The following SHTN1 variants were observed in gnomAD, a reference collection of about 807,000 sequenced individuals.
SHTN1 encodes shootin 1, also known as shootin-1.
A neutral mutation model predicts 83.1 loss-of-function variants in SHTN1; 42 were observed. That is an observed-to-expected ratio of 0.51 (90% CI 0.39 to 0.65). The LOEUF is 0.65. Ranked by LOEUF, SHTN1 falls within the 30% of genes least tolerant of loss-of-function variation. The probability of loss-of-function intolerance (pLI) is 0.00; values close to 1 mark genes in which losing one functional copy is unlikely to be tolerated. For missense variants in SHTN1, 622 were observed against 737.8 expected, an observed-to-expected ratio of 0.84 and a Z score of 1.82; for synonymous variants, 224 against 247.7, an observed-to-expected ratio of 0.90 and a Z score of 0.90.
At chr10:117,020,704 T>C (rs1049979833) in intron 2 of SHTN1, among the ~76,000 whole-genome samples, 4 of 151,452 alleles carry the variant, frequency 2.6e-5, no homozygotes, top group African/African-American at 7.3e-5. Context: ...GAAAAAGATA[T>C]GAAGTTTCTA....
chr10:116,985,571 G>A (rs543696750), intron 1 of SHTN1, among the ~76,000 whole-genome samples: 28 of 152,220 alleles, frequency 1.8e-4, no homozygotes, highest in Non-Finnish European at 1.2e-4. Flanking sequence ...AGGTCTTCAC[G>A]TGAGCAAATC....
intron 2 of SHTN1, among the ~76,000 whole-genome samples, chr10:116,969,577 C>T (rs1033430778): frequency 1.6e-4 from 24 of 152,236 alleles, no homozygotes; most frequent in African/African-American, 5.8e-4. Context: ...TAAAATATTC[C>T]ATACTAAGCA....
chr10:117,116,052 A>T (rs184629900), intron 1 of SHTN1, among the ~76,000 whole-genome samples: 46 of 152,318 alleles, frequency 3.0e-4, no homozygotes, highest in African/African-American at 1.0e-3. Flanking sequence ...TAGTAGAAGG[A>T]AAGAAATGAT....
intron 1 of SHTN1, among the ~76,000 whole-genome samples, chr10:117,095,988 T>C (rs1490812464): frequency 1.3e-5 from 2 of 152,222 alleles, no homozygotes; most frequent in African/African-American, 2.4e-5. Flanking sequence ...AACCCAAATA[T>C]AAAAGCAGGT....
At chr10:116,893,268 C>G (rs1484748398) in intron 16 of SHTN1, among the ~76,000 whole-genome samples, 2 of 152,064 alleles carry the variant, frequency 1.3e-5, no homozygotes, top group African/African-American at 4.8e-5. Flanking sequence ...ATCTCAACTT[C>G]CAGAACATCC....
At chr10:117,094,970 T>C (rs992728849) in intron 1 of SHTN1, among the ~76,000 whole-genome samples, 1 of 152,216 alleles carries the variant, frequency 6.6e-6, no homozygotes, top group Non-Finnish European at 1.5e-5. Context: ...CGGAGACAAT[T>C]AGACAGTGTC....
chr10:116,947,418 G>A (rs1849634472), intron 7 of SHTN1, among the ~76,000 whole-genome samples: 1 of 152,118 alleles, frequency 6.6e-6, no homozygotes, highest in Admixed American at 6.5e-5. Context: ...CTTAAGGACT[G>A]GTTTGCTGCG....
intron 1 of SHTN1, among the ~76,000 whole-genome samples, chr10:117,112,725 A>G (rs1421728927): frequency 1.3e-5 from 2 of 152,196 alleles, no homozygotes; most frequent in African/African-American, 4.8e-5. Flanking sequence ...CAAATTAGGG[A>G]AAAGTTCAAA....
chr10:116,968,288 T>G (rs1226793484), intron 3 of SHTN1, among the ~76,000 whole-genome samples: 1 of 152,180 alleles, frequency 6.6e-6, no homozygotes, highest in East Asian at 1.9e-4. Context: ...AAAACTGAAT[T>G]TAAAACACGA....
At chr10:117,107,114 AG>A (rs1482271957) in intron 1 of SHTN1, among the ~76,000 whole-genome samples, 6 of 152,238 alleles carry the variant, frequency 3.9e-5, no homozygotes, top group African/African-American at 1.4e-4. Flanking sequence ...TAATCAATTT[AG>A]TAATCAATTG....
In SHTN1 at chr10:116,886,185, T is replaced by C. The variant is rs1847157043; in HGVS notation, c.*159A>G. Reference sequence around the variant, plus strand: ...TGTGTTTTGCTAAACAGCTTACTTATGTTTATAGTTGCTACTTACAAAAGT... The same window carrying C: ...TGTGTTTTGCTAAACAGCTTACTTACGTTTATAGTTGCTACTTACAAAAGT... On this transcript the variant is annotated 3_prime_UTR_variant, in exon 17 of 17. Coordinates refer to ENST00000355371, the MANE Select transcript of SHTN1 (RefSeq NM_001127211.3). 9.8e-7 allele frequency: 1 copy of C among 1,015,936 alleles called. No individual in the cohort carries two copies. The highest frequency in any genetic ancestry group is 2.9e-5 in the Admixed American group (1 of 35,062). 62.9% of individuals were successfully genotyped at this position (1,015,936 alleles called of 1,614,324 possible). A position where few individuals can be genotyped will look rare whatever the true frequency, so the allele number is the denominator to read the frequency against.
At chr10:117,005,306 C>A, upstream of SHTN1, 2 of 1,408,840 alleles carry the variant, frequency 1.4e-6, no homozygotes, top group Non-Finnish European at 1.9e-6. Flanking sequence ...GGGGCGGGCC[C>A]AGCAGTCCCG....
chr10:117,073,978 G>A (rs1205624778), intron 1 of SHTN1, among the ~76,000 whole-genome samples: 1 of 152,130 alleles, frequency 6.6e-6, no homozygotes, highest in East Asian at 1.9e-4. Context: ...GAATATATGA[G>A]ACTTTTTTGA....
At chr10:117,101,994 A>G (rs1853600500) in intron 1 of SHTN1, among the ~76,000 whole-genome samples, 1 of 151,268 alleles carries the variant, frequency 6.6e-6, no homozygotes, top group Non-Finnish European at 1.5e-5. Flanking sequence ...TTGGGAACAG[A>G]CTGTGAGGAC....
At chr10:116,896,234 T>C (rs1847514011) in intron 16 of SHTN1, among the ~76,000 whole-genome samples, 1 of 152,206 alleles carries the variant, frequency 6.6e-6, no homozygotes, top group African/African-American at 2.4e-5. Flanking sequence ...CTGTTGATAA[T>C]AGAGTTAACA....
intron 1 of SHTN1, among the ~76,000 whole-genome samples, chr10:117,064,040 T>A (rs902077288): frequency 3.3e-5 from 5 of 152,178 alleles, no homozygotes; most frequent in African/African-American, 1.2e-4. Context: ...TATGAAAACT[T>A]CTCTCTGGTG....
At chr10:117,034,089 A>G (rs1228656564) in intron 2 of SHTN1, among the ~76,000 whole-genome samples, 1 of 152,144 alleles carries the variant, frequency 6.6e-6, no homozygotes, top group African/African-American at 2.4e-5. Context: ...CTGAATGGGG[A>G]AAAAAATGAA....
chr10:116,907,958 GT>G (rs1417730506), intron 14 of SHTN1: 1 of 510,138 alleles, frequency 2.0e-6, no homozygotes, highest in Non-Finnish European at 3.9e-6. Context: ...AAAAATGGTT[GT>G]TTTAGCCATT....
At chr10:117,121,511 G>A (rs917806046) in intron 1 of SHTN1, among the ~76,000 whole-genome samples, 9 of 151,392 alleles carry the variant, frequency 5.9e-5, no homozygotes, top group African/African-American at 1.7e-4. Flanking sequence ...CCCCAGAGAC[G>A]GAGGTTGCAG....
Sources: allele counts gnomAD v4.1 joint callset (sites outside exome capture counted in the v4.1 genomes callset), GRCh38; gene constraint gnomAD v4.1.1; transcripts MANE v1.5; gene names NCBI Gene and HGNC (gene_info 2026-07-23, HGNC 2026-07-21).